The following CEP295 variants were observed in gnomAD, a reference collection of about 807,000 sequenced individuals.
The protein encoded by CEP295 is centrosomal protein of 295 kDa.
Under a neutral mutation model 291.6 loss-of-function variants are expected in CEP295, and 190 were observed. The ratio of observed to expected loss-of-function variants is 0.65; its 90% CI spans 0.58 to 0.73. The LOEUF is 0.73. CEP295 is among the 30% of genes least tolerant of loss of function. CEP295 has a pLI of 0.00. For missense variants in CEP295, 2,863 were observed against 2,949.4 expected, an observed-to-expected ratio of 0.97 and a Z score of 0.68; for synonymous variants, 993 against 1,038.8, an observed-to-expected ratio of 0.96 and a Z score of 0.85.
intron 10 of CEP295, 136 bp from the exon 11 acceptor site, chr11:93,691,547 A>C: frequency 1.7e-6 from 1 of 601,324 alleles, no homozygotes; most frequent in Admixed American, 3.5e-5. Flanking sequence ...GATCATCAGG[A>C]AGGTTACTGG....
chr11:93,703,486 A>AT (rs1952305765), intron 17 of CEP295, among the ~76,000 whole-genome samples: 1 of 151,756 alleles, frequency 6.6e-6, no homozygotes. Context: ...GTAGGCAAAA[A>AT]TTTTTTGGTT....
chr11:93,698,794 G>T lies in CEP295; in HGVS notation c.3882G>T (p.Gln1294His). ...EQTGSSSFIPQLVQLSFTSLA... is the reference protein window; with the variant it reads ...EQTGSSSFIPHLVQLSFTSLA... ...CTGGTTCATCTTCATTCATACCCCAGTTGGTACAGCTTTCATTTACTTCGT... is the reference window on the plus strand; with the variant it reads ...CTGGTTCATCTTCATTCATACCCCATTTGGTACAGCTTTCATTTACTTCGT... Residue 1294 changes from glutamine (Q) to histidine (H), a missense_variant, in exon 15 of 30, where the codon CAG becomes CAT. By Grantham distance (24) the Gln-to-His change is conservative. Coordinates refer to ENST00000325212, the MANE Select transcript of CEP295 (RefSeq NM_033395.2). 6.4e-7 allele frequency: 1 copy of T among 1,551,712 alleles called. No homozygotes were observed. Among genetic ancestry groups the T allele is most frequent in the East Asian group, 2.4e-5 (1 of 40,914 alleles).
chr11:93,666,205 A>T (rs1216151818), intron 1 of CEP295, among the ~76,000 whole-genome samples: 2 of 152,200 alleles, frequency 1.3e-5, no homozygotes, highest in Admixed American at 1.3e-4. Flanking sequence ...GTGTGAATTT[A>T]TAATTGCTAT....
chr11:93,730,276 A>G lies in CEP295; in HGVS notation c.*7A>G. On this transcript the variant is annotated 3_prime_UTR_variant, in exon 30 of 30. Transcript: ENST00000325212. ...AGCCAAAAATACATGCTGACTTTCT[A>G]GAAATAGTGTAAAGGTTTTTTAATT... 6.5e-7 allele frequency: 1 copy of G among 1,535,374 alleles called. No homozygotes were observed. The highest frequency in any genetic ancestry group is 8.8e-7 in the Non-Finnish European group (1 of 1,133,006).
rs541458076 is a variant in CEP295 at position 93,695,628 on chromosome 11, G to A, written c.1665G>A (p.Pro555=). ...LEEEKRKKTQ[P]TGVGIAPASC... ...AAGAAAAAAGAAAAAAAACTCAACC[G>A]ACTGGGGTAGGATGCAGAAAATCTC... Residue 555 remains proline, a synonymous_variant, in exon 13 of 30, where the codon CCG becomes CCA. Coordinates refer to ENST00000325212, the MANE Select transcript of CEP295 (RefSeq NM_033395.2). 4.6e-5 allele frequency: 68 copies of A among 1,488,160 alleles called. No individual in the cohort carries two copies. Among genetic ancestry groups the A allele is most frequent in the East Asian group, 8.0e-5 (3 of 37,674 alleles). The allele number at this position is 1,488,160 out of a possible 1,614,324, so 92.2% of individuals were successfully genotyped here.
Position 93,674,357 on chromosome 11 carries a change from C to T in CEP295, c.529-1214C>T, listed in dbSNP as rs570005710. ...AGCTAAAACTTTGGTTAATTCTCAA[C>T]CTATTCTTATTTAAACTTTTCTCCC... On this transcript the variant is annotated intron_variant, in intron 5 of 29. Transcript: ENST00000325212. Among the ~76,000 whole-genome samples the T allele has an allele frequency of 2.6e-5, 4 of 152,220 alleles. No individual in the cohort carries two copies. The South Asian group carries it at 8.3e-4, about 32-fold the overall frequency.
chr11:93,728,900 A>G (rs1285083370), intron 25 of CEP295, 79 bp downstream of exon 25: 2 of 1,301,054 alleles, frequency 1.5e-6, no homozygotes, highest in Non-Finnish European at 2.1e-6. Context: ...ATCAGAAGGT[A>G]CTCATTGGAG....
intron 24 of CEP295, chr11:93,728,451 A>G (rs977610727): frequency 2.8e-5 from 11 of 395,714 alleles, no homozygotes; most frequent in African/African-American, 4.2e-5. Flanking sequence ...GTCCATTGTC[A>G]CACTATTTCA....
intron 22 of CEP295, among the ~76,000 whole-genome samples, chr11:93,724,864 A>G (rs1048210729): frequency 6.6e-6 from 1 of 152,230 alleles, no homozygotes; most frequent in African/African-American, 2.4e-5. Context: ...CCCTAGACCA[A>G]TTAAAGCAGA....
Position 93,729,547 on chromosome 11 carries a change from C to G in CEP295, c.7399+17C>G. ...CATCTACAGGTAAGCCTTGGACGGC[C>G]TCCACACTTCTAATGGAAAGTAGAT... On this transcript the variant is annotated intron_variant, in intron 26 of 29. Coordinates refer to ENST00000325212, the MANE Select transcript of CEP295 (RefSeq NM_033395.2). The G allele has an allele frequency of 6.5e-7, 1 of 1,549,802 alleles. No homozygotes were observed. The highest frequency in any genetic ancestry group is 8.7e-7 in the Non-Finnish European group (1 of 1,145,344).
rs1938169119 is a variant in CEP295 at position 93,729,900 on chromosome 11, A to G, written c.7598A>G (p.Asn2533Ser). The G allele has an allele frequency of 1.3e-6, 2 of 1,550,310 alleles. No homozygotes were observed. Among genetic ancestry groups the G allele is most frequent in the Non-Finnish European group, 1.7e-6 (2 of 1,146,716 alleles). ...TCTGTGAGTCGTCTAAAGGGCGTGA[A>G]TAAAGTCAGAGCATCTTTTCCTGAA... ...SSSVSRLKGV[N>S]KVRASFPEDR... Residue 2533 changes from asparagine to serine, a missense_variant, in exon 28 of 30, where the codon AAT becomes AGT. By Grantham distance (46) the Asn-to-Ser change is conservative. Around this residue, in one of 3 missense-constraint regions of CEP295, gnomAD observed 2,295 missense variants for 2,335.7 expected, o/e 0.98. Coordinates refer to ENST00000325212, the MANE Select transcript of CEP295 (RefSeq NM_033395.2).
chr11:93,714,842 CCTCTCT>C (rs57191649), intron 18 of CEP295, among the ~76,000 whole-genome samples: 11 of 149,086 alleles, frequency 7.4e-5, no homozygotes, highest in Non-Finnish European at 1.3e-4. Context: ...AGTCAGTCAG[CCTCTCT>C]CTCTCTCTCT....
chr11:93,728,925 C>A, intron 25 of CEP295, 104 bp downstream of exon 25: 5 of 1,031,906 alleles, frequency 4.8e-6, no homozygotes, highest in Non-Finnish European at 5.5e-6. Flanking sequence ...TTATGCTATG[C>A]ATTTAACTAA....
At chr11:93,692,321 TAC>T in intron 12 of CEP295, among the ~76,000 whole-genome samples, 1 of 152,330 alleles carries the variant, frequency 6.6e-6, no homozygotes, top group East Asian at 1.9e-4. Context: ...CAATTTATCC[TAC>T]ACAGTTTCTG....
At chr11:93,670,739 A>G (rs1950404264) in intron 5 of CEP295, among the ~76,000 whole-genome samples, 1 of 152,186 alleles carries the variant, frequency 6.6e-6, no homozygotes, top group Non-Finnish European at 1.5e-5. Flanking sequence ...AAAGCCAGGC[A>G]ATGTATTATC....
chr11:93,724,209 AT>A, intron 21 of CEP295, 44 bp from the exon 22 acceptor site: 4 of 1,505,134 alleles, frequency 2.7e-6, no homozygotes, highest in Admixed American at 2.3e-5. Context: ...TAAATTTATG[AT>A]TTTTTTCCCT....
At chr11:93,670,316 A>G (rs1197205919) in intron 5 of CEP295, among the ~76,000 whole-genome samples, 2 of 151,970 alleles carry the variant, frequency 1.3e-5, no homozygotes, top group Non-Finnish European at 2.9e-5. Context: ...AGAAAAGAGG[A>G]AAAAAATATT....
intron 10 of CEP295, among the ~76,000 whole-genome samples, chr11:93,690,752 A>G (rs984204580): frequency 7.3e-6 from 1 of 136,884 alleles, no homozygotes; most frequent in East Asian, 2.1e-4. Context: ...AAAAAAAAAA[A>G]AGATAAAGGG....
Position 93,700,022 on chromosome 11 carries a change from C to G in CEP295, c.5110C>G (p.Gln1704Glu). The G allele has an allele frequency of 1.3e-6, 2 of 1,551,752 alleles. No homozygotes were observed. Among genetic ancestry groups the G allele is most frequent in the Non-Finnish European group, 1.7e-6 (2 of 1,146,966 alleles). Residue 1704 changes from glutamine to glutamate, a missense_variant, in exon 15 of 30, where the codon CAG (glutamine) becomes GAG (glutamate). Physicochemically the swap from Gln to Glu is conservative, Grantham distance 29. This residue lies in a region of CEP295 where 2,295 missense variants were observed against 2,335.7 expected (regional missense o/e 0.98). Transcript: ENST00000325212. ...LLSFSQSVLTQQDNLGLQKQL... is the reference protein window; with the variant it reads ...LLSFSQSVLTEQDNLGLQKQL... ...GAGTTTTTCACAGTCTGTCTTAACT[C>G]AGCAAGATAACTTGGGACTTCAGAA...
Sources: allele counts gnomAD v4.1 joint callset (sites outside exome capture counted in the v4.1 genomes callset), GRCh38; gene constraint gnomAD v4.1.1; regional missense constraint gnomAD v4.1.1; transcripts MANE v1.5; gene names NCBI Gene and HGNC (gene_info 2026-07-23, HGNC 2026-07-21).